PPP3CB: variants seen among roughly 807,000 people sequenced by gnomAD.
PPP3CB encodes the protein protein phosphatase 3 catalytic subunit beta.
A neutral mutation model predicts 66.4 loss-of-function variants in PPP3CB; 8 were observed. That is an observed-to-expected ratio of 0.12 (90% CI 0.07 to 0.22). PPP3CB has a LOEUF of 0.22. Ranked by LOEUF, PPP3CB falls within the 10% of genes least tolerant of loss-of-function variation. The probability of loss-of-function intolerance (pLI) is 1.00; values close to 1 mark genes in which losing one functional copy is unlikely to be tolerated. For synonymous variants in PPP3CB, 208 were observed against 221.2 expected (o/e 0.94, Z 0.53); for missense variants, 319 against 642.5 (o/e 0.50, Z 5.44).
intron 1 of PPP3CB, among the ~76,000 whole-genome samples, chr10:73,486,104 C>A (rs1414795613): frequency 8.6e-5 from 13 of 151,576 alleles, no homozygotes; most frequent in Non-Finnish European, 1.8e-4. Context: ...CACCACCATG[C>A]CCGGCTAATC....
chr10:73,495,270 C>G (rs544423134), intron 1 of PPP3CB, among the ~76,000 whole-genome samples: 1 of 152,340 alleles, frequency 6.6e-6, no homozygotes, highest in East Asian at 1.9e-4. Flanking sequence ...CCCCTAATTT[C>G]TGCTCCGGGT....
intron 3 of PPP3CB, among the ~76,000 whole-genome samples, chr10:73,475,805 A>G (rs2056775544): frequency 6.6e-6 from 1 of 152,238 alleles, no homozygotes; most frequent in Admixed American, 6.5e-5. Flanking sequence ...AAAGGAAGAA[A>G]TATTTGATAT....
chr10:73,444,943 T>G (rs1456205066), intron 11 of PPP3CB, 121 bp from the exon 12 acceptor site: 1 of 1,000,160 alleles, frequency 1.0e-6, no homozygotes, highest in African/African-American at 1.6e-5. Flanking sequence ...TATTACCATA[T>G]TTTCCTCAAT....
At chr10:73,475,622 T>C (rs975191998) in intron 3 of PPP3CB, among the ~76,000 whole-genome samples, 1 of 152,224 alleles carries the variant, frequency 6.6e-6, no homozygotes, top group South Asian at 2.1e-4. Flanking sequence ...TGTTTTATGT[T>C]TGTTTCATTG....
intron 1 of PPP3CB, among the ~76,000 whole-genome samples, chr10:73,483,584 G>A (rs1177538896): frequency 6.6e-6 from 1 of 152,060 alleles, no homozygotes; most frequent in Non-Finnish European, 1.5e-5. Context: ...TTGAACCGAA[G>A]AGGTGAAGGT....
chr10:73,494,759 T>A (rs1288024932), intron 1 of PPP3CB, among the ~76,000 whole-genome samples: 2 of 152,186 alleles, frequency 1.3e-5, no homozygotes, highest in Non-Finnish European at 2.9e-5. Flanking sequence ...TGCCAGTGTA[T>A]TTGAGAAGCT....
intron 1 of PPP3CB, among the ~76,000 whole-genome samples, chr10:73,491,030 T>G (rs1388188567): frequency 8.6e-6 from 1 of 116,712 alleles, no homozygotes; most frequent in Non-Finnish European, 1.7e-5. Context: ...TTGTTTTTTT[T>G]TTTTTTTTTT....
At chr10:73,471,446 C>T (rs1402742539) in intron 5 of PPP3CB, 22 bp downstream of exon 5, 31 of 1,576,964 alleles carry the variant, frequency 2.0e-5, no homozygotes, top group African/African-American at 4.1e-5. Context: ...AAATCAATCT[C>T]GGAAGTAAAA....
intron 1 of PPP3CB, among the ~76,000 whole-genome samples, chr10:73,482,542 CAAAAAA>C (rs537336452): frequency 8.2e-5 from 3 of 36,746 alleles, no homozygotes; most frequent in South Asian, 1.2e-3. Flanking sequence ...GACTCCGTCT[CAAAAAA>C]AAAAAAAAAA....
At chr10:73,446,195 G>C (rs957345264) in intron 11 of PPP3CB, among the ~76,000 whole-genome samples, 3 of 151,496 alleles carry the variant, frequency 2.0e-5, no homozygotes, top group Admixed American at 6.6e-5. Flanking sequence ...TGCCTCCTGG[G>C]TTCAAGCAAT....
chr10:73,437,426 TC>T lies in PPP3CB; in HGVS notation c.*815del, dbSNP rs2056086281. On this transcript the variant is annotated 3_prime_UTR_variant, in exon 14 of 14. Transcript: ENST00000360663. ...TGAAAACATGCATACACAAAATACG[TC>T]AAGTTTTACAGACATGATTTGAATT... is the stretch of plus-strand genomic sequence containing the variant. The T allele has an allele frequency of 6.6e-6, 1 of 152,620 alleles. No individual in the cohort carries two copies. Among genetic ancestry groups the T allele is most frequent in the African/African-American group, 2.4e-5 (1 of 41,452 alleles). The allele number at this position is 152,620 out of a possible 1,614,324, so 9.5% of individuals were successfully genotyped here.
intron 1 of PPP3CB, among the ~76,000 whole-genome samples, chr10:73,493,668 T>C (rs1172497955): frequency 2.0e-5 from 3 of 152,198 alleles, no homozygotes; most frequent in African/African-American, 4.8e-5. Flanking sequence ...GAATTCCAAC[T>C]GGTTAACAAA....
At chr10:73,475,087 C>G in intron 3 of PPP3CB, 57 bp from the exon 4 acceptor site, 3 of 1,570,664 alleles carry the variant, frequency 1.9e-6, no homozygotes, top group Non-Finnish European at 2.6e-6. Context: ...AATGAAGCTG[C>G]TTGATCTTTG....
chr10:73,485,774 A>G (rs1451679962), intron 1 of PPP3CB, among the ~76,000 whole-genome samples: 1 of 151,998 alleles, frequency 6.6e-6, no homozygotes, highest in Non-Finnish European at 1.5e-5. Flanking sequence ...AGAGTCTCGC[A>G]TCGTCGCCGG....
At chr10:73,482,326 T>G (rs1254401044) in intron 1 of PPP3CB, among the ~76,000 whole-genome samples, 5 of 151,630 alleles carry the variant, frequency 3.3e-5, no homozygotes, top group Non-Finnish European at 5.9e-5. Context: ...GGGCAGATCA[T>G]GAGGTCAAGA....
intron 1 of PPP3CB, among the ~76,000 whole-genome samples, chr10:73,482,418 C>G (rs1000146114): frequency 6.6e-6 from 1 of 151,284 alleles, no homozygotes; most frequent in Non-Finnish European, 1.5e-5. Context: ...TGGTGCACAC[C>G]TGTAGTCCTA....
intron 1 of PPP3CB, among the ~76,000 whole-genome samples, chr10:73,488,858 A>C (rs1015850683): frequency 1.3e-5 from 2 of 152,100 alleles, no homozygotes; most frequent in Non-Finnish European, 2.9e-5. Context: ...CTTCAAATTC[A>C]ATTTTCTTAA....
chr10:73,452,556 C>T (rs1342917421), intron 10 of PPP3CB, among the ~76,000 whole-genome samples: 4 of 151,760 alleles, frequency 2.6e-5, no homozygotes, highest in Non-Finnish European at 5.9e-5. Flanking sequence ...ATTAGCTGGG[C>T]GTGATGGTGG....
chr10:73,474,879 ATAC>A, intron 4 of PPP3CB, 37 bp downstream of exon 4: 1 of 1,607,852 alleles, frequency 6.2e-7, no homozygotes, highest in South Asian at 1.1e-5. Context: ...GTCCAAAAGA[ATAC>A]TGAGGAAGTG....
Sources: allele counts gnomAD v4.1 joint callset (sites outside exome capture counted in the v4.1 genomes callset), GRCh38; gene constraint gnomAD v4.1.1; transcripts MANE v1.5; gene names NCBI Gene and HGNC (gene_info 2026-07-23, HGNC 2026-07-21).